Variants in CORO1C observed in about 807,000 individuals in gnomAD.
CORO1C encodes coronin 1C.
A neutral mutation model predicts 51.2 loss-of-function variants in CORO1C; 14 were observed. The observed-to-expected ratio is 0.27, with a 90% CI of 0.18 to 0.43. The LOEUF is 0.43. Among genes scored for constraint, CORO1C ranks in the 20% least tolerant of loss-of-function variants. The pLI is 1.00. For missense variants in CORO1C, 417 were observed against 607.8 expected, an observed-to-expected ratio of 0.69 and a Z score of 3.30; for synonymous variants, 181 against 210.5, an observed-to-expected ratio of 0.86 and a Z score of 1.21.
rs757142016 is a variant in CORO1C at position 108,652,310 on chromosome 12, G to A, written c.963C>T (p.Pro321=). 3 of 1,613,780 alleles carry A rather than the reference G, an allele frequency of 1.9e-6. No individual in the cohort carries two copies. The highest frequency in any genetic ancestry group is 4.5e-5 in the East Asian group (2 of 44,896). ...KEPQRGMGYM[P]KRGLDVNKCE... The stretch of plus-strand genomic sequence containing the variant: ...ATTTGTTAACATCAAGTCCCCTCTT[G>A]GGCATGTAACCCATCCCTCTCTGAG... The change falls in exon 8 of 11, where the codon CCC becomes CCT. Residue 321 remains proline (P), a synonymous_variant. Coordinates refer to ENST00000261401, the MANE Select transcript of CORO1C (RefSeq NM_014325.4).
In CORO1C at chr12:108,647,332, C is replaced by T; in HGVS notation, c.*71G>A. ...GCCTCCCTTTCCGCCCTCCCTAGGA[C>T]CACACCAATAACCAGCTCCCAAGCA... is the stretch of plus-strand genomic sequence containing the variant. On this transcript the variant is annotated 3_prime_UTR_variant, in exon 11 of 11. Coordinates refer to ENST00000261401, the MANE Select transcript of CORO1C (RefSeq NM_014325.4). The T allele has an allele frequency of 4.6e-6, 7 of 1,535,176 alleles. No individual in the cohort carries two copies. The highest frequency in any genetic ancestry group is 5.3e-6 in the Non-Finnish European group (6 of 1,125,978).
chr12:108,719,881 C>T (rs2035434064), intron 1 of CORO1C, among the ~76,000 whole-genome samples: 1 of 152,188 alleles, frequency 6.6e-6, no homozygotes, highest in African/African-American at 2.4e-5. Flanking sequence ...TTCATTGACT[C>T]TAAAGTCAAA....
chr12:108,686,329 T>C (rs17040862), intron 2 of CORO1C, among the ~76,000 whole-genome samples: 3,875 of 152,310 alleles, frequency 0.025, 176 homozygotes, highest in African/African-American at 0.089. Flanking sequence ...TTTAAATGAA[T>C]GCAGAGGCTG....
chr12:108,673,384 T>C (rs2033788160), intron 3 of CORO1C, among the ~76,000 whole-genome samples: 1 of 152,204 alleles, frequency 6.6e-6, no homozygotes, highest in African/African-American at 2.4e-5. Context: ...GAAGAAAAGT[T>C]GGAAACTAGC....
At chr12:108,679,805 G>A (rs1452539881) in intron 2 of CORO1C, among the ~76,000 whole-genome samples, 1 of 152,184 alleles carries the variant, frequency 6.6e-6, no homozygotes, top group Non-Finnish European at 1.5e-5. Flanking sequence ...GGTGACTTTA[G>A]ACAAGTCATG....
At chr12:108,673,425 G>T (rs544970543) in intron 3 of CORO1C, among the ~76,000 whole-genome samples, 97 of 152,174 alleles carry the variant, frequency 6.4e-4, no homozygotes, top group Non-Finnish European at 1.2e-3. Flanking sequence ...AACGAAAGAC[G>T]CCATCTCCAT....
At chr12:108,692,794 C>CTTTTT (rs11447073) in intron 2 of CORO1C, among the ~76,000 whole-genome samples, 25 of 111,642 alleles carry the variant, frequency 2.2e-4, no homozygotes, top group Non-Finnish European at 3.1e-4. Flanking sequence ...TAGACCACAG[C>CTTTTT]TTTTTTTTTT....
At chr12:108,677,094 G>C (rs1447227014) in intron 3 of CORO1C, among the ~76,000 whole-genome samples, 1 of 152,126 alleles carries the variant, frequency 6.6e-6, no homozygotes, top group Non-Finnish European at 1.5e-5. Context: ...CAATAGAGAG[G>C]AAAATAAAAG....
At position 108,718,092 on chromosome 12, in the gene CORO1C, G is replaced by A. The variant is rs139916586; in HGVS notation, c.-6+13337C>T. ...AATTAGGTCAGGCCTGGTGGCTCAC[G>A]CCTGTAATCCCAGTACTTTGGGAGG... On this transcript the variant is annotated intron_variant, in intron 1 of 10. Coordinates refer to ENST00000261401, the MANE Select transcript of CORO1C (RefSeq NM_014325.4). 6.8e-3 allele frequency among the ~76,000 whole-genome samples: 1,038 copies of A among 151,702 alleles called. 9 individuals are homozygous for A. The highest frequency in any genetic ancestry group is 0.01 in the Non-Finnish European group (702 of 67,888).
At chr12:108,701,014 G>A in intron 2 of CORO1C, 110 bp downstream of exon 2, 1 of 1,206,814 alleles carries the variant, frequency 8.3e-7, no homozygotes, top group Non-Finnish European at 1.2e-6. Flanking sequence ...AATTACATCA[G>A]AGTCTAATGG....
intron 1 of CORO1C, among the ~76,000 whole-genome samples, chr12:108,702,175 T>C (rs2034892634): frequency 6.6e-6 from 1 of 152,190 alleles, no homozygotes; most frequent in Admixed American, 6.5e-5. Context: ...AGCCAGGTAC[T>C]GGGCTAGGAA....
chr12:108,655,290 T>A (rs1370356204), intron 6 of CORO1C, among the ~76,000 whole-genome samples: 1 of 152,220 alleles, frequency 6.6e-6, no homozygotes, highest in Non-Finnish European at 1.5e-5. Flanking sequence ...AAATATGAAC[T>A]TATTTTCCAA....
chr12:108,647,138 G>C lies in CORO1C; in HGVS notation c.*265C>G. On this transcript the variant is annotated 3_prime_UTR_variant, in exon 11 of 11. Coordinates refer to ENST00000261401, the MANE Select transcript of CORO1C (RefSeq NM_014325.4). ...TTTTAAAAGTAGCACTTTTTAAAAA[G>C]TTCAACAAGTCACATAACACTTAAA... is the stretch of plus-strand genomic sequence containing the variant. 1 of 321,264 alleles carries C rather than the reference G, an allele frequency of 3.1e-6. No homozygotes were observed. Among genetic ancestry groups the C allele is most frequent in the Non-Finnish European group, 5.6e-6 (1 of 178,212 alleles). 19.9% of individuals were successfully genotyped at this position (321,264 alleles called of 1,614,324 possible).
intron 1 of CORO1C, among the ~76,000 whole-genome samples, chr12:108,706,275 G>T (rs1029415987): frequency 1.3e-5 from 2 of 151,918 alleles, no homozygotes; most frequent in Non-Finnish European, 2.9e-5. Flanking sequence ...GGAATAGAAG[G>T]GAATTTCCTC....
chr12:108,647,027 T>C lies in CORO1C; in HGVS notation c.*376A>G, dbSNP rs1203211996. 7.2e-6 allele frequency: 1 copy of C among 138,790 alleles called. No individual in the cohort carries two copies. Among genetic ancestry groups the C allele is most frequent in the Non-Finnish European group, 1.4e-5 (1 of 69,444 alleles). 8.6% of individuals were successfully genotyped at this position (138,790 alleles called of 1,614,324 possible). On this transcript the variant is annotated 3_prime_UTR_variant, in exon 11 of 11. Coordinates refer to ENST00000261401, the MANE Select transcript of CORO1C (RefSeq NM_014325.4). Reference sequence around the variant, plus strand: ...AGAAATATAAAAAGCAATGTGGCATTGGTCCCTATTCATTAAAAAAAAAAG... The same window carrying C: ...AGAAATATAAAAAGCAATGTGGCATCGGTCCCTATTCATTAAAAAAAAAAG...
At chr12:108,670,412 A>G (rs1248187368) in intron 3 of CORO1C, among the ~76,000 whole-genome samples, 2 of 152,202 alleles carry the variant, frequency 1.3e-5, no homozygotes, top group African/African-American at 4.8e-5. Context: ...CACTCTCAAA[A>G]TCACCCACAG....
chr12:108,683,586 C>T (rs1233140664), intron 2 of CORO1C, among the ~76,000 whole-genome samples: 3 of 151,950 alleles, frequency 2.0e-5, no homozygotes, highest in Non-Finnish European at 4.4e-5. Flanking sequence ...TATGAAAACA[C>T]TAGGAATAAC....
At chr12:108,720,070 C>T (rs1338577190) in intron 1 of CORO1C, among the ~76,000 whole-genome samples, 1 of 152,142 alleles carries the variant, frequency 6.6e-6, no homozygotes, top group East Asian at 1.9e-4. Flanking sequence ...CCTGTAATCC[C>T]AGCTACTCGA....
At chr12:108,701,438 C>T in intron 1 of CORO1C, 115 bp from the exon 2 acceptor site, 2 of 1,513,776 alleles carry the variant, frequency 1.3e-6, no homozygotes, top group East Asian at 2.4e-5. Flanking sequence ...TTTGTCTGCT[C>T]TCCTAAAAAG....
Sources: gnomAD v4.1 joint callset for allele counts (sites outside exome capture counted in the v4.1 genomes callset) on GRCh38, gnomAD v4.1.1 for gene constraint, MANE v1.5 for transcripts, NCBI Gene and HGNC (gene_info 2026-07-23, HGNC 2026-07-21) for gene names.